Variants in SULF1 observed in about 807,000 individuals in gnomAD.
SULF1 encodes extracellular sulfatase Sulf-1.
Under a neutral mutation model 110.5 loss-of-function variants are expected in SULF1, and 46 were observed. That is an observed-to-expected ratio of 0.42 (90% CI 0.33 to 0.53). SULF1 has a LOEUF of 0.53. SULF1 is among the 20% of genes least tolerant of loss of function. The pLI, the probability that SULF1 is intolerant of heterozygous loss-of-function variation, is 0.12. For synonymous variants in SULF1, 371 were observed against 387.1 expected, an observed-to-expected ratio of 0.96 and a Z score of 0.49; for missense variants, 941 against 1,094.2, an observed-to-expected ratio of 0.86 and a Z score of 1.98.
chr8:69,612,513 A>T (rs79768423), intron 13 of SULF1, among the ~76,000 whole-genome samples: 1 of 151,442 alleles, frequency 6.6e-6, no homozygotes, highest in African/African-American at 2.4e-5. Flanking sequence ...GCCAACATCT[A>T]TTGTTTTGTT....
intron 3 of SULF1, among the ~76,000 whole-genome samples, chr8:69,524,102 A>G (rs1467348337): frequency 6.6e-6 from 1 of 152,088 alleles, no homozygotes; most frequent in Non-Finnish European, 1.5e-5. Flanking sequence ...TGATAAGATT[A>G]GAGATAAGAA....
rs1371865371 is a variant in SULF1, at chr8:69,627,320, A to G, written c.1947+14A>G. On this transcript the variant is annotated intron_variant, in intron 16 of 22. Coordinates refer to ENST00000402687, the MANE Select transcript of SULF1 (RefSeq NM_001128205.2). Reference sequence around the variant, plus strand: ...ATTGACAAAGAGGTTAGCCATGGCTATGTGACTGTCAGATATATTCCAAAC... The same window carrying G: ...ATTGACAAAGAGGTTAGCCATGGCTGTGTGACTGTCAGATATATTCCAAAC... The G allele has an allele frequency of 3.7e-6, 6 of 1,602,654 alleles. No individual in the cohort carries two copies. The East Asian group carries it at 6.7e-5, about 18-fold the overall frequency.
chr8:69,516,627 C>A (rs1380423743), intron 3 of SULF1, among the ~76,000 whole-genome samples: 2 of 152,092 alleles, frequency 1.3e-5, no homozygotes, highest in African/African-American at 4.8e-5. Context: ...AAAAATGAAA[C>A]CATAAATAAT....
Position 69,642,179 on chromosome 8 carries a change from A to G in SULF1, c.2585+1338A>G, listed in dbSNP as rs1291512855. 1.7e-5 allele frequency: 16 copies of G among 929,320 alleles called. No homozygotes were observed. The African/African-American group carries it at 2.7e-4, about 16-fold the overall frequency. 57.6% of individuals were successfully genotyped at this position (929,320 alleles called of 1,614,324 possible). ...TAATATCTTCTTTATCTATATTAAT[A>G]TCTTCTTCATCTGTATTAATATCTT... On this transcript the variant is annotated intron_variant, in intron 22 of 22. Coordinates refer to ENST00000402687, the MANE Select transcript of SULF1 (RefSeq NM_001128205.2).
chr8:69,642,665 T>C (rs992718554), intron 22 of SULF1, among the ~76,000 whole-genome samples: 1 of 152,194 alleles, frequency 6.6e-6, no homozygotes, highest in Non-Finnish European at 1.5e-5. Flanking sequence ...ACAGTTATTT[T>C]ATGAGGCACT....
At chr8:69,607,843 C>A (rs1808346218) in intron 13 of SULF1, among the ~76,000 whole-genome samples, 1 of 152,162 alleles carries the variant, frequency 6.6e-6, no homozygotes, top group Non-Finnish European at 1.5e-5. Context: ...TAGAACTGAC[C>A]TGCTTGGAAT....
chr8:69,468,254 T>C (rs1415342441), intron 1 of SULF1, among the ~76,000 whole-genome samples: 1 of 152,210 alleles, frequency 6.6e-6, no homozygotes, highest in Non-Finnish European at 1.5e-5. Flanking sequence ...ATATAAGCTG[T>C]TCTGAAATAA....
At chr8:69,543,723 A>T (rs928738786) in intron 3 of SULF1, among the ~76,000 whole-genome samples, 1 of 152,130 alleles carries the variant, frequency 6.6e-6, no homozygotes, top group African/African-American at 2.4e-5. Flanking sequence ...AAATAGCCAC[A>T]TCATTTAGGA....
intron 6 of SULF1, among the ~76,000 whole-genome samples, chr8:69,580,393 C>T (rs1362750409): frequency 6.6e-6 from 1 of 151,968 alleles, no homozygotes; most frequent in Non-Finnish European, 1.5e-5. Flanking sequence ...AAATAATTAT[C>T]CATGGTTGAG....
In SULF1 at chr8:69,603,311, C is replaced by T; in HGVS notation, c.1181C>T (p.Pro394Leu). 1 of 1,614,088 alleles carries T rather than the reference C, an allele frequency of 6.2e-7. No homozygotes were observed. The highest frequency in any genetic ancestry group is 8.5e-7 in the Non-Finnish European group (1 of 1,180,022). The change falls in exon 11 of 23, where the codon CCA becomes CTA. Residue 394 changes from proline to leucine, a missense_variant. This residue lies in a region of SULF1 where 822 missense variants were observed against 934.3 expected (regional missense o/e 0.88). Coordinates refer to ENST00000402687, the MANE Select transcript of SULF1 (RefSeq NM_001128205.2). ...CTCAAACTTCTGGACCCAGAAAAGC[C>T]AGGTAACAGGTGTGTCATTGTTCCT... ...SVLKLLDPEK[P>L]GNRFRTNKKA... is the part of the protein sequence containing the mutation.
intron 3 of SULF1, among the ~76,000 whole-genome samples, chr8:69,555,655 C>CA (rs112243288): frequency 0.21 from 30,662 of 144,480 alleles, 3,334 homozygotes; most frequent in African/African-American, 0.3. Context: ...GACTCCATCT[C>CA]AAAAAAAAAA....
At chr8:69,589,270 C>T in intron 8 of SULF1, 129 bp downstream of exon 8, 1 of 967,824 alleles carries the variant, frequency 1.0e-6, no homozygotes, top group South Asian at 2.1e-5. Flanking sequence ...GAAAGGATAA[C>T]TTAAGAGCAG....
intron 3 of SULF1, among the ~76,000 whole-genome samples, chr8:69,531,264 TTA>T (rs1813062783): frequency 6.6e-6 from 1 of 152,174 alleles, no homozygotes; most frequent in African/African-American, 2.4e-5. Flanking sequence ...TCTTTTAGCT[TTA>T]TGTTTGCATA....
intron 3 of SULF1, among the ~76,000 whole-genome samples, chr8:69,504,416 G>A (rs998491679): frequency 5.9e-5 from 9 of 152,040 alleles, no homozygotes; most frequent in African/African-American, 1.7e-4. Flanking sequence ...TTAGCCGGGC[G>A]TGGTGGTGCG....
At chr8:69,495,362 C>T (rs918265115) in intron 1 of SULF1, among the ~76,000 whole-genome samples, 1 of 151,906 alleles carries the variant, frequency 6.6e-6, no homozygotes, top group Non-Finnish European at 1.5e-5. Flanking sequence ...ATACTGCACT[C>T]CAGCCTGAGC....
chr8:69,468,451 G>A (rs1453979465), intron 1 of SULF1, among the ~76,000 whole-genome samples: 2 of 152,022 alleles, frequency 1.3e-5, no homozygotes, highest in East Asian at 1.9e-4. Context: ...TTTTAATATG[G>A]TCTTTAATTT....
At position 69,589,027 on chromosome 8, in the gene SULF1, A is replaced by C; in HGVS notation, c.620A>C (p.Lys207Thr). 1 of 1,614,218 alleles carries C rather than the reference A, an allele frequency of 6.2e-7. No individual in the cohort carries two copies. The highest frequency in any genetic ancestry group is 8.5e-7 in the Non-Finnish European group (1 of 1,180,020). The change falls in exon 8 of 23, where the codon AAG (lysine) becomes ACG (threonine). Residue 207 changes from lysine (K) to threonine (T), a missense_variant. By Grantham distance (78) the Lys-to-Thr change is moderately conservative (BLOSUM62 -1). Around this residue, in one of 3 missense-constraint regions of SULF1, gnomAD observed 822 missense variants for 934.3 expected, o/e 0.88. Coordinates refer to ENST00000402687, the MANE Select transcript of SULF1 (RefSeq NM_001128205.2). ...AGCATTAATTACTTCAAAATGTCTA[A>C]GAGAATGTATCCCCATAGGCCCGTT... Reference protein sequence around the residue: ...NESINYFKMSKRMYPHRPVMM... With the variant: ...NESINYFKMSTRMYPHRPVMM...
At chr8:69,575,299 A>G (rs1282943990) in intron 5 of SULF1, among the ~76,000 whole-genome samples, 1 of 152,112 alleles carries the variant, frequency 6.6e-6, no homozygotes, top group Non-Finnish European at 1.5e-5. Context: ...TTCGAGTGCA[A>G]TCGAATTATA....
intron 3 of SULF1, among the ~76,000 whole-genome samples, chr8:69,523,050 G>C (rs1812419045): frequency 6.6e-6 from 1 of 152,124 alleles, no homozygotes. Context: ...CTGTTTATAT[G>C]GTAACACGAG....
Sources: gnomAD v4.1 joint callset for allele counts (sites outside exome capture counted in the v4.1 genomes callset) on GRCh38, gnomAD v4.1.1 for gene constraint, gnomAD v4.1.1 regional missense constraint, MANE v1.5 for transcripts, NCBI Gene and HGNC (gene_info 2026-07-23, HGNC 2026-07-21) for gene names.